The following HDAC9 variants were observed in gnomAD, a reference collection of about 807,000 sequenced individuals.
The protein encoded by HDAC9 is MEF-2 interacting transcription repressor (MITR) protein.
HDAC9 carries 41 observed loss-of-function variants against 139.4 expected under a neutral mutation model. The ratio of observed to expected loss-of-function variants is 0.29; its 90% CI spans 0.23 to 0.38. The LOEUF (loss-of-function observed/expected upper bound fraction) is 0.38. Among genes scored for constraint, HDAC9 ranks in the 10% least tolerant of loss-of-function variants. HDAC9 has a pLI of 1.00. For missense variants in HDAC9, 1,147 were observed against 1,297.0 expected, an observed-to-expected ratio of 0.88 and a Z score of 1.78; for synonymous variants, 517 against 476.2, an observed-to-expected ratio of 1.09 and a Z score of -1.12.
intron 22 of HDAC9, among the ~76,000 whole-genome samples, chr7:18,917,141 G>A (rs1049211664): frequency 2.6e-5 from 4 of 152,018 alleles, no homozygotes; most frequent in Middle Eastern, 3.4e-3. Flanking sequence ...TTCAAAGCTC[G>A]CAAATATGAA....
At chr7:18,316,922 T>C (rs1453368205) in intron 1 of HDAC9, among the ~76,000 whole-genome samples, 1 of 151,808 alleles carries the variant, frequency 6.6e-6, no homozygotes, top group African/African-American at 2.4e-5. Context: ...TGAAACTCTG[T>C]GTCTACTAAA....
chr7:18,373,999 T>C (rs974359750), intron 1 of HDAC9, among the ~76,000 whole-genome samples: 1 of 152,078 alleles, frequency 6.6e-6, no homozygotes, highest in African/African-American at 2.4e-5. Flanking sequence ...TGTTACAATA[T>C]GGTGAATATA....
intron 1 of HDAC9, among the ~76,000 whole-genome samples, chr7:18,420,325 C>T (rs1369844985): frequency 6.6e-6 from 1 of 152,154 alleles, no homozygotes; most frequent in Non-Finnish European, 1.5e-5. Flanking sequence ...TCTCATGTTA[C>T]TTTTTGTGAT....
chr7:18,737,289 T>A (rs1477699103), intron 13 of HDAC9, among the ~76,000 whole-genome samples: 1 of 152,196 alleles, frequency 6.6e-6, no homozygotes, highest in Non-Finnish European at 1.5e-5. Context: ...TTGAATTTGT[T>A]TGCTCTTCCT....
At chr7:18,311,222 T>G (rs1374592175) in intron 1 of HDAC9, among the ~76,000 whole-genome samples, 3 of 152,042 alleles carry the variant, frequency 2.0e-5, no homozygotes, top group African/African-American at 2.4e-5. Context: ...ATTAATACTT[T>G]TTATTCACAC....
At chr7:18,300,493 G>T (rs1047203343) in intron 1 of HDAC9, among the ~76,000 whole-genome samples, 10 of 151,494 alleles carry the variant, frequency 6.6e-5, no homozygotes, top group African/African-American at 1.9e-4. Context: ...AAAAAATTTT[G>T]AATAATGCCT....
rs537523545 is a variant in HDAC9, at chr7:18,577,012, A to T, written c.23-8269A>T. Among the ~76,000 whole-genome samples the T allele has an allele frequency of 7.9e-5, 12 of 152,300 alleles. No individual in the cohort carries two copies. In the East Asian group the frequency reaches 1.2e-3, roughly 15 times the overall value. ...CATGACATACTTCCACCAGACATAA[A>T]CTGTTCCTTCATGCCTTTATTCTAC... On this transcript the variant is annotated intron_variant, in intron 2 of 25. Coordinates refer to ENST00000686413, the MANE Select transcript of HDAC9 (RefSeq NM_178425.4).
intron 21 of HDAC9, among the ~76,000 whole-genome samples, chr7:18,856,797 A>T (rs566767689): frequency 9.9e-5 from 15 of 152,144 alleles, no homozygotes; most frequent in Non-Finnish European, 2.2e-4. Flanking sequence ...CAAATGTAAC[A>T]TCGATTTGGG....
intron 21 of HDAC9, among the ~76,000 whole-genome samples, chr7:18,870,286 A>G (rs1798814798): frequency 6.6e-6 from 1 of 152,074 alleles, no homozygotes; most frequent in Non-Finnish European, 1.5e-5. Context: ...ATGCCTCCTC[A>G]ATCTCCTCCA....
chr7:18,666,360 G>A lies in HDAC9; in HGVS notation c.1615G>A (p.Asp539Asn), dbSNP rs1794883321. The A allele has an allele frequency of 1.2e-6, 2 of 1,613,246 alleles. No homozygotes were observed. The highest frequency in any genetic ancestry group is 1.7e-6 in the Non-Finnish European group (2 of 1,179,610). ...STRSDSSACV[D>N]DTLGQVGAVK... The stretch of plus-strand genomic sequence containing the variant: ...TAGGAGCGACAGCAGTGCTTGTGTG[G>A]ATGACACACTGGGACAAGTTGGGGC... The change falls in exon 12 of 26, where the codon GAT (aspartate) becomes AAT (asparagine). Residue 539 changes from aspartate to asparagine, a missense_variant. Around this residue, in one of 7 missense-constraint regions of HDAC9, gnomAD observed 256 missense variants for 219.2 expected, o/e 1.17. Transcript: ENST00000686413.
chr7:18,217,413 AT>A (rs1346745366), intron 2 of HDAC9, among the ~76,000 whole-genome samples: 3 of 151,690 alleles, frequency 2.0e-5, no homozygotes, highest in African/African-American at 7.3e-5. Context: ...TATCTTTATT[AT>A]TTTTTCCTCT....
intron 7 of HDAC9, among the ~76,000 whole-genome samples, chr7:18,630,719 T>C (rs937734531): frequency 2.8e-4 from 42 of 152,084 alleles, no homozygotes; most frequent in Admixed American, 1.4e-3. Context: ...TTTAGACGAA[T>C]TGAATTCTAA....
intron 2 of HDAC9, among the ~76,000 whole-genome samples, chr7:18,259,160 G>A (rs1358318981): frequency 6.6e-6 from 1 of 151,534 alleles, no homozygotes; most frequent in Non-Finnish European, 1.5e-5. Flanking sequence ...AGTAGAGATG[G>A]GGTTTCACCA....
At chr7:18,989,701 T>G (rs547528292) in intron 25 of HDAC9, among the ~76,000 whole-genome samples, 2 of 145,740 alleles carry the variant, frequency 1.4e-5, no homozygotes, top group Non-Finnish European at 3.0e-5. Context: ...CAATCAGACG[T>G]AGATTTGGTC....
intron 1 of HDAC9, among the ~76,000 whole-genome samples, chr7:18,343,477 A>G (rs1782168268): frequency 1.3e-5 from 2 of 151,910 alleles, no homozygotes; most frequent in African/African-American, 4.8e-5. Context: ...GATTATCTAC[A>G]GAAAATGTTG....
chr7:18,419,541 C>T (rs79381975), intron 1 of HDAC9, among the ~76,000 whole-genome samples: 1,845 of 152,140 alleles, frequency 0.012, 34 homozygotes, highest in African/African-American at 0.042. Context: ...TCTCTCCAGA[C>T]GCTATTCACA....
At chr7:18,405,107 A>G (rs1443476146) in intron 1 of HDAC9, among the ~76,000 whole-genome samples, 2 of 152,208 alleles carry the variant, frequency 1.3e-5, no homozygotes, top group African/African-American at 2.4e-5. Flanking sequence ...AGCATGCGCA[A>G]ACTCCATATA....
At chr7:18,357,423 G>A (rs960252416) in intron 1 of HDAC9, among the ~76,000 whole-genome samples, 1 of 151,840 alleles carries the variant, frequency 6.6e-6, no homozygotes, top group Non-Finnish European at 1.5e-5. Flanking sequence ...TTGATTGCTT[G>A]CTAATTGTGT....
chr7:18,141,805 G>A (rs918775601), intron 1 of HDAC9, among the ~76,000 whole-genome samples: 13 of 152,010 alleles, frequency 8.6e-5, no homozygotes, highest in Admixed American at 5.9e-4. Context: ...TAAATTTGTT[G>A]AATTATTTAT....
Sources: allele counts gnomAD v4.1 joint callset (sites outside exome capture counted in the v4.1 genomes callset), GRCh38; gene constraint gnomAD v4.1.1; regional missense constraint gnomAD v4.1.1; transcripts MANE v1.5; gene names NCBI Gene and HGNC (gene_info 2026-07-23, HGNC 2026-07-21).